The following TAS2R1 variants were observed in gnomAD, a reference collection of about 807,000 sequenced individuals.
The protein encoded by TAS2R1 is taste receptor type 2 member 1.
For synonymous variants in TAS2R1, 141 were observed against 134.2 expected (o/e 1.05, Z -0.35); for missense variants, 370 against 353.4 (o/e 1.05, Z -0.38).
At chr5:9,899,600 G>A in the TAS2R1 span, among the ~76,000 whole-genome samples, 3 of 148,542 alleles carry the variant, frequency 2.0e-5, no homozygotes, top group Non-Finnish European at 4.4e-5. Context: ...TCGCGCCACT[G>A]CACTCCAGCC....
chr5:9,651,471 T>C (rs1740304395), intron 2 of TAS2R1, among the ~76,000 whole-genome samples: 1 of 152,174 alleles, frequency 6.6e-6, no homozygotes, highest in African/African-American at 2.4e-5. Context: ...GAACACCTAA[T>C]ACGCTAAATA....
At chr5:9,680,887 T>C (rs893083107) in intron 1 of TAS2R1, among the ~76,000 whole-genome samples, 3 of 151,756 alleles carry the variant, frequency 2.0e-5, no homozygotes, top group African/African-American at 7.3e-5. Context: ...ACCCTGTCTC[T>C]ACTAAAAATA....
At chr5:9,672,379 A>G (rs1240556334) in intron 1 of TAS2R1, among the ~76,000 whole-genome samples, 1 of 151,294 alleles carries the variant, frequency 6.6e-6, no homozygotes, top group Non-Finnish European at 1.5e-5. Context: ...TTTGCAACCT[A>G]TGCATCTGAC....
At chr5:9,643,757 C>T (rs1429845997) in intron 2 of TAS2R1, among the ~76,000 whole-genome samples, 1 of 152,146 alleles carries the variant, frequency 6.6e-6, no homozygotes, top group Non-Finnish European at 1.5e-5. Context: ...CAAGACAAAG[C>T]TTCTGTCATC....
upstream of TAS2R1, among the ~76,000 whole-genome samples, chr5:9,716,486 G>C (rs1015854): frequency 0.3 from 45,951 of 151,762 alleles, 7,071 homozygotes; most frequent in Middle Eastern, 0.39. Context: ...ACAAAACCCA[G>C]AGACAACAAT....
chr5:9,812,888 T>C, the TAS2R1 span, among the ~76,000 whole-genome samples: 1 of 152,162 alleles, frequency 6.6e-6, no homozygotes, highest in African/African-American at 2.4e-5. Context: ...AAAAGCTACA[T>C]TTCTTAATTG....
At chr5:9,748,503 G>T in the TAS2R1 span, among the ~76,000 whole-genome samples, 4 of 152,138 alleles carry the variant, frequency 2.6e-5, no homozygotes, top group Non-Finnish European at 5.9e-5. Context: ...TGACTGGAGA[G>T]TTCAAGATTG....
At chr5:9,816,409 TA>T in the TAS2R1 span, among the ~76,000 whole-genome samples, 1 of 152,062 alleles carries the variant, frequency 6.6e-6, no homozygotes, top group Non-Finnish European at 1.5e-5. Flanking sequence ...ATTGTTAAAA[TA>T]AGGTTTTAAA....
the TAS2R1 span, among the ~76,000 whole-genome samples, chr5:9,827,298 G>A: frequency 6.6e-6 from 1 of 152,082 alleles, no homozygotes; most frequent in African/African-American, 2.4e-5. Flanking sequence ...CCTGCAACAC[G>A]ACATCGCTGT....
chr5:9,661,887 T>C (rs1237321729), intron 1 of TAS2R1, among the ~76,000 whole-genome samples: 1 of 152,190 alleles, frequency 6.6e-6, no homozygotes, highest in East Asian at 1.9e-4. Context: ...CACCCAAACT[T>C]AGTGCCTGAA....
At chr5:9,849,114 C>A in the TAS2R1 span, among the ~76,000 whole-genome samples, 1 of 152,182 alleles carries the variant, frequency 6.6e-6, no homozygotes, top group Non-Finnish European at 1.5e-5. Flanking sequence ...GGGACCCAAC[C>A]CTCCTTCTCT....
chr5:9,665,674 T>G (rs1441004919), intron 1 of TAS2R1, among the ~76,000 whole-genome samples: 3 of 152,232 alleles, frequency 2.0e-5, no homozygotes, highest in Admixed American at 2.0e-4. Context: ...CTCTCATCAG[T>G]AGAATGAGTA....
At chr5:9,810,285 A>G in the TAS2R1 span, among the ~76,000 whole-genome samples, 1 of 152,198 alleles carries the variant, frequency 6.6e-6, no homozygotes, top group African/African-American at 2.4e-5. Context: ...AGCATTTGAC[A>G]TATTCTCGTC....
At position 9,628,669 on chromosome 5, in the gene TAS2R1, A is replaced by C. The variant is rs1232867325; in HGVS notation, c.*464T>G. On this transcript the variant is annotated 3_prime_UTR_variant, in exon 1 of 1. Transcript: ENST00000382492. ...CAAGAAATGAACAGTCAGCCCGTTA[A>C]GGTCAGGAAAAACCATCAAAGACAA... 6.6e-6 allele frequency among the ~76,000 whole-genome samples: 1 copy of C among 152,258 alleles called. No individual in the cohort carries two copies. The highest frequency in any genetic ancestry group is 1.5e-5 in the Non-Finnish European group (1 of 68,044).
the TAS2R1 span, among the ~76,000 whole-genome samples, chr5:9,740,198 C>T: frequency 6.6e-6 from 1 of 152,068 alleles, no homozygotes; most frequent in Non-Finnish European, 1.5e-5. Context: ...TGGATTTGTC[C>T]GAAAGGTGTT....
At chr5:9,765,544 T>A in the TAS2R1 span, 1 of 151,786 alleles carries the variant, frequency 6.6e-6, no homozygotes, top group African/African-American at 2.4e-5. Context: ...GCAATTCAAT[T>A]GCTGCTTCTC....
chr5:9,684,477 T>G (rs1741087319), intron 1 of TAS2R1, among the ~76,000 whole-genome samples: 2 of 152,182 alleles, frequency 1.3e-5, no homozygotes, highest in Admixed American at 1.3e-4. Flanking sequence ...ATTCAGTAGT[T>G]TTGCTGCACT....
chr5:9,818,330 A>C, the TAS2R1 span, among the ~76,000 whole-genome samples: 10 of 152,336 alleles, frequency 6.6e-5, no homozygotes, highest in African/African-American at 2.4e-4. Context: ...TTTGGGCGAC[A>C]TTATCTCTCT....
chr5:9,780,486 G>T, the TAS2R1 span, among the ~76,000 whole-genome samples: 1 of 152,322 alleles, frequency 6.6e-6, no homozygotes, highest in African/African-American at 2.4e-5. Flanking sequence ...TTCTATAAGT[G>T]TCCTGGCTAC....
Sources: gnomAD v4.1 joint callset for allele counts (sites outside exome capture counted in the v4.1 genomes callset) on GRCh38, gnomAD v4.1.1 for gene constraint, MANE v1.5 for transcripts, NCBI Gene and HGNC (gene_info 2026-07-23, HGNC 2026-07-21) for gene names.